The following SLC28A3 variants were observed in gnomAD, a reference collection of about 807,000 sequenced individuals.
SLC28A3 encodes concentrative Na(+)-nucleoside cotransporter 3.
A neutral mutation model predicts 84.2 loss-of-function variants in SLC28A3; 68 were observed. The ratio of observed to expected loss-of-function variants is 0.81; its 90% CI spans 0.66 to 0.99. The LOEUF (loss-of-function observed/expected upper bound fraction) is 0.99, where lower values mean the gene tolerates loss of function less well. Among genes scored for constraint, SLC28A3 ranks in the 50% least tolerant of loss-of-function variants. The pLI, the probability that SLC28A3 is intolerant of heterozygous loss-of-function variation, is 0.00. For missense variants in SLC28A3, 712 were observed against 841.5 expected, an observed-to-expected ratio of 0.85 and a Z score of 1.90; for synonymous variants, 267 against 303.6, an observed-to-expected ratio of 0.88 and a Z score of 1.25.
At position 84,302,398 on chromosome 9, in the gene SLC28A3, G is replaced by A; in HGVS notation, c.335-9C>T. On this transcript the variant is annotated splice_polypyrimidine_tract_variant and intron_variant, in intron 4 of 17. Transcript: ENST00000376238. ...CACCATAACCAGATAACCTGTCCAG[G>A]AAGCAAAAACAGACACTGAACATCA... is the stretch of plus-strand genomic sequence containing the variant. The A allele has an allele frequency of 1.2e-6, 2 of 1,611,490 alleles. No individual in the cohort carries two copies. Among genetic ancestry groups the A allele is most frequent in the South Asian group, 2.2e-5 (2 of 90,794 alleles).
rs745892945 is a variant in SLC28A3 at position 84,309,649 on chromosome 9, A to G, written c.222T>C (p.Asp74=). ...TGTACCCTTTTTGTTGCATCTCCTC[A>G]TCATCATCCTCCATGTGTTCTCTGT... The part of the protein sequence containing the change: ...PRNREHMEDD[D]EEMQQKGCLE... The change falls in exon 3 of 18, where the codon GAT becomes GAC. Residue 74 remains aspartate (D), a synonymous_variant. Coordinates refer to ENST00000376238, the MANE Select transcript of SLC28A3 (RefSeq NM_001199633.2). 29 of 1,613,010 alleles carry G rather than the reference A, an allele frequency of 1.8e-5. No individual in the cohort carries two copies. The highest frequency in any genetic ancestry group is 2.4e-5 in the Non-Finnish European group (28 of 1,179,806).
chr9:84,319,640 T>A (rs1826296014), intron 1 of SLC28A3, among the ~76,000 whole-genome samples: 1 of 152,212 alleles, frequency 6.6e-6, no homozygotes, highest in African/African-American at 2.4e-5. Context: ...GTGTTGATCA[T>A]TTGTGTTTAT....
At chr9:84,343,587 G>A (rs1827204875), upstream of SLC28A3, among the ~76,000 whole-genome samples, 1 of 152,070 alleles carries the variant, frequency 6.6e-6, no homozygotes, top group Non-Finnish European at 1.5e-5. Flanking sequence ...TGGCCCAAGA[G>A]CTAAGAATGG....
At position 84,336,763 on chromosome 9, in the gene SLC28A3, C is replaced by A. The variant is rs567900256; in HGVS notation, c.60+3811G>T. ...CACGCAGAGGCCACCTGACCTGATGCCAGCCTGCCCCCTTTCCCTATACCG... is the reference window on the plus strand; with the variant it reads ...CACGCAGAGGCCACCTGACCTGATGACAGCCTGCCCCCTTTCCCTATACCG... On this transcript the variant is annotated intron_variant, in intron 1 of 17. Transcript: ENST00000376238. 1.9e-3 allele frequency among the ~76,000 whole-genome samples: 286 copies of A among 152,342 alleles called. 1 individual carries two copies. The highest frequency in any genetic ancestry group is 3.1e-3 in the Non-Finnish European group (211 of 68,036).
intron 2 of SLC28A3, chr9:84,310,573 G>A: frequency 1.0e-6 from 1 of 985,402 alleles, no homozygotes; most frequent in Non-Finnish European, 1.2e-6. Flanking sequence ...CATATCCAAT[G>A]TGGCCTTTGA....
At chr9:84,290,831 A>AC (rs1825185729) in intron 10 of SLC28A3, among the ~76,000 whole-genome samples, 1 of 139,674 alleles carries the variant, frequency 7.2e-6, no homozygotes, top group Non-Finnish European at 1.5e-5. Flanking sequence ...CACAAGCATT[A>AC]AAAACAAACA....
intron 1 of SLC28A3, among the ~76,000 whole-genome samples, chr9:84,327,780 T>C (rs1248190355): frequency 6.6e-6 from 1 of 151,924 alleles, no homozygotes; most frequent in African/African-American, 2.4e-5. Flanking sequence ...TAGCCGAGCA[T>C]GGTGGCTTGC....
rs1335787193 is a variant in SLC28A3 at position 84,283,374 on chromosome 9, AG to A, written c.1647+1970del. 2.0e-5 allele frequency among the ~76,000 whole-genome samples: 3 copies of A among 152,384 alleles called. No homozygotes were observed. In the South Asian group the frequency reaches 6.2e-4, roughly 32 times the overall value. Reference sequence around the variant, plus strand: ...TATCTATCTCTGATAGTGAAAAAACAGATAACTGCTTATCAGCATGGGACTG... The same window carrying A: ...TATCTATCTCTGATAGTGAAAAAACAATAACTGCTTATCAGCATGGGACTG... On this transcript the variant is annotated intron_variant, in intron 14 of 17. Transcript: ENST00000376238.
At chr9:84,353,098 A>C in the SLC28A3 span, among the ~76,000 whole-genome samples, 30 of 152,144 alleles carry the variant, frequency 2.0e-4, no homozygotes, top group Non-Finnish European at 4.1e-4. Context: ...AATGCTGAGT[A>C]ATTATTAGTG....
chr9:84,286,062 T>TGGA lies in SLC28A3; in HGVS notation c.1327_1329dup (p.Ser443dup). 1 of 1,614,036 alleles carries TGGA rather than the reference T, an allele frequency of 6.2e-7. No homozygotes were observed. Among genetic ancestry groups the TGGA allele is most frequent in the Non-Finnish European group, 8.5e-7 (1 of 1,179,962 alleles). ...ACAGCGATGTTGGCCACCAGGGAGA[T>TGGA]GGAGGAGGATGCTCCCTGTGTTGCA... is the stretch of plus-strand genomic sequence containing the variant. On this transcript the variant is annotated inframe_insertion, in exon 13 of 18. Coordinates refer to ENST00000376238, the MANE Select transcript of SLC28A3 (RefSeq NM_001199633.2).
the SLC28A3 span, among the ~76,000 whole-genome samples, chr9:84,367,191 G>C: frequency 6.6e-6 from 1 of 152,080 alleles, no homozygotes; most frequent in Admixed American, 6.5e-5. Context: ...TCCACAGGAA[G>C]TACTGCCATA....
intron 1 of SLC28A3, among the ~76,000 whole-genome samples, chr9:84,326,633 A>AAACAAC (rs34082643): frequency 6.2e-4 from 92 of 148,284 alleles, no homozygotes; most frequent in East Asian, 2.4e-3. Context: ...GATGGATTAA[A>AAACAAC]AACAACAACA....
At chr9:84,295,316 G>A (rs912318947) in intron 8 of SLC28A3, among the ~76,000 whole-genome samples, 1 of 152,174 alleles carries the variant, frequency 6.6e-6, no homozygotes, top group Non-Finnish European at 1.5e-5. Context: ...TGGGCTCGGT[G>A]GCTCACACCT....
At chr9:84,315,586 C>T (rs1346732953) in intron 1 of SLC28A3, among the ~76,000 whole-genome samples, 1 of 152,256 alleles carries the variant, frequency 6.6e-6, no homozygotes, top group East Asian at 1.9e-4. Context: ...AACAAGAGCA[C>T]GTGTGGTTTT....
chr9:84,309,583 C>CA, intron 3 of SLC28A3, 46 bp downstream of exon 3: 1 of 1,127,360 alleles, frequency 8.9e-7, no homozygotes, highest in African/African-American at 1.7e-5. Flanking sequence ...GTAATAAAAC[C>CA]AAACGGGAGG....
chr9:84,309,236 TGG>T (rs1210693680), intron 3 of SLC28A3, among the ~76,000 whole-genome samples: 1 of 151,830 alleles, frequency 6.6e-6, no homozygotes, highest in Non-Finnish European at 1.5e-5. Context: ...AAAAATCAAA[TGG>T]GAGGCCTGGT....
chr9:84,293,647 A>G (rs1303939059), intron 9 of SLC28A3, among the ~76,000 whole-genome samples: 1 of 152,172 alleles, frequency 6.6e-6, no homozygotes, highest in Non-Finnish European at 1.5e-5. Context: ...AGGCTAGGGC[A>G]GCAGGAAGGA....
At chr9:84,321,733 CAAA>C (rs10707383) in intron 1 of SLC28A3, among the ~76,000 whole-genome samples, 2 of 65,104 alleles carry the variant, frequency 3.1e-5, no homozygotes, top group African/African-American at 1.1e-4. Flanking sequence ...GACTCCGTCT[CAAA>C]AAAAAAAAAA....
rs991868319 is a variant in SLC28A3 at position 84,275,911 on chromosome 9, A to G, written c.*2307T>C. 2.0e-5 allele frequency: 3 copies of G among 152,232 alleles called. No individual in the cohort carries two copies. The highest frequency in any genetic ancestry group is 2.9e-5 in the Non-Finnish European group (2 of 68,038). The allele number at this position is 152,232 out of a possible 1,614,324, so 9.4% of individuals were successfully genotyped here. A position where few individuals can be genotyped will look rare whatever the true frequency, so the allele number is the denominator to read the frequency against. ...CACGTACACACAGAAAGGTCATATC[A>G]AAGCAGGTAAAAATTAAGACAACAT... On this transcript the variant is annotated 3_prime_UTR_variant, in exon 18 of 18. Transcript: ENST00000376238.
Sources: allele counts gnomAD v4.1 joint callset (sites outside exome capture counted in the v4.1 genomes callset), GRCh38; gene constraint gnomAD v4.1.1; transcripts MANE v1.5; gene names NCBI Gene and HGNC (gene_info 2026-07-23, HGNC 2026-07-21).